Variants in ARHGEF10 observed in about 807,000 individuals in gnomAD.
ARHGEF10 encodes the protein Rho guanine nucleotide exchange factor 10.
A neutral mutation model predicts 147.4 loss-of-function variants in ARHGEF10; 140 were observed. The observed-to-expected ratio is 0.95, with a 90% CI of 0.83 to 1.09. The LOEUF (loss-of-function observed/expected upper bound fraction) is 1.09, where lower values mean the gene tolerates loss of function less well. Ranked by LOEUF, ARHGEF10 falls within the 50% of genes least tolerant of loss-of-function variation. The pLI, the probability that ARHGEF10 is intolerant of heterozygous loss-of-function variation, is 0.00. For synonymous variants in ARHGEF10, 902 were observed against 695.8 expected (o/e 1.30, Z -4.67); for missense variants, 2,222 against 1,752.7 (o/e 1.27, Z -4.78).
At chr8:1,882,806 A>C (rs1585381361) in intron 10 of ARHGEF10, 57 bp downstream of exon 10, 1 of 484,644 alleles carries the variant, frequency 2.1e-6, no homozygotes. Context: ...GGGCGGCCAC[A>C]TCTTGTGGGG....
intron 11 of ARHGEF10, among the ~76,000 whole-genome samples, chr8:1,887,798 G>T (rs1476199883): frequency 2.8e-5 from 4 of 142,764 alleles, no homozygotes; most frequent in African/African-American, 1.0e-4. Context: ...AGTGGAGTAA[G>T]GGTTGTGGGG....
intron 2 of ARHGEF10, among the ~76,000 whole-genome samples, chr8:1,847,104 C>T (rs1804622027): frequency 6.6e-6 from 1 of 152,082 alleles, no homozygotes; most frequent in Admixed American, 6.6e-5. Context: ...TTTGGCAACA[C>T]GTCAGGTCAT....
At chr8:1,944,265 G>A (rs1027574568) in intron 26 of ARHGEF10, among the ~76,000 whole-genome samples, 1 of 152,066 alleles carries the variant, frequency 6.6e-6, no homozygotes, top group Non-Finnish European at 1.5e-5. Flanking sequence ...CGCCTCCCTC[G>A]GGACCCCAGC....
intron 27 of ARHGEF10, among the ~76,000 whole-genome samples, chr8:1,946,635 C>T (rs1814617565): frequency 6.6e-6 from 1 of 152,238 alleles, no homozygotes; most frequent in Non-Finnish European, 1.5e-5. Context: ...CGCCTCCTCG[C>T]ACCATCCCAC....
intron 21 of ARHGEF10, among the ~76,000 whole-genome samples, chr8:1,924,118 A>C (rs1292868129): frequency 6.6e-6 from 1 of 152,236 alleles, no homozygotes; most frequent in Non-Finnish European, 1.5e-5. Flanking sequence ...GTACCAGAAC[A>C]TGAATATCAG....
At chr8:1,847,514 A>G (rs555302390) in intron 2 of ARHGEF10, among the ~76,000 whole-genome samples, 7 of 152,176 alleles carry the variant, frequency 4.6e-5, no homozygotes, top group Non-Finnish European at 1.0e-4. Context: ...TCATTTACCA[A>G]ATACCTGGTA....
chr8:1,830,633 A>G (rs1803039567), intron 1 of ARHGEF10, among the ~76,000 whole-genome samples: 2 of 152,250 alleles, frequency 1.3e-5, no homozygotes, highest in Admixed American at 6.5e-5. Context: ...TCACGCCCCA[A>G]GGCAGGGTGT....
intron 14 of ARHGEF10, among the ~76,000 whole-genome samples, chr8:1,897,517 T>C (rs1810091405): frequency 2.0e-5 from 3 of 149,842 alleles, no homozygotes; most frequent in Non-Finnish European, 4.4e-5. Context: ...CTGTGGGCTC[T>C]GTCCTAAGGC....
At position 1,863,019 on chromosome 8, in the gene ARHGEF10, G is replaced by A. The variant is rs1806278992; in HGVS notation, c.482-1354G>A. The stretch of plus-strand genomic sequence containing the variant: ...AGGATGGACTTGATCTCCTGACCTC[G>A]TGATCCGCCCGCCTCAGCCTCCGAA... On this transcript the variant is annotated intron_variant, in intron 4 of 28. Transcript: ENST00000349830. Among the ~76,000 whole-genome samples, 3 of 151,970 alleles carry A rather than the reference G, an allele frequency of 2.0e-5. No individual in the cohort carries two copies. In the South Asian group the frequency reaches 6.2e-4, roughly 32 times the overall value.
intron 11 of ARHGEF10, among the ~76,000 whole-genome samples, chr8:1,887,974 G>T (rs934653434): frequency 6.7e-6 from 1 of 149,662 alleles, no homozygotes; most frequent in Non-Finnish European, 1.5e-5. Context: ...CACTGTGAGT[G>T]GGGTGAGAGT....
intron 18 of ARHGEF10, among the ~76,000 whole-genome samples, chr8:1,914,147 G>A (rs931209796): frequency 6.6e-6 from 1 of 152,242 alleles, no homozygotes; most frequent in African/African-American, 2.4e-5. Context: ...AAGTGAGCCC[G>A]GCCGAAGGAA....
intron 12 of ARHGEF10, 56 bp from the exon 13 acceptor site, chr8:1,894,337 A>G: frequency 6.3e-7 from 1 of 1,597,642 alleles, no homozygotes; most frequent in South Asian, 1.1e-5. Flanking sequence ...ACAACAAAAC[A>G]AGACCCAGGC....
At position 1,903,263 on chromosome 8, in the gene ARHGEF10, C is replaced by G; in HGVS notation, c.1651-18C>G. 6.2e-7 allele frequency: 1 copy of G among 1,613,998 alleles called. No homozygotes were observed. Among genetic ancestry groups the G allele is most frequent in the Non-Finnish European group, 8.5e-7 (1 of 1,180,002 alleles). On this transcript the variant is annotated intron_variant, in intron 15 of 28. Transcript: ENST00000349830. ...GTGTCCACGTGGTAACTGCCCACCT[C>G]TCCCCTGTTGCTTGTAGGACATGCT...
At chr8:1,901,527 T>C (rs1186789082) in intron 15 of ARHGEF10, among the ~76,000 whole-genome samples, 2 of 152,226 alleles carry the variant, frequency 1.3e-5, no homozygotes, top group African/African-American at 4.8e-5. Flanking sequence ...CAGCTACCTA[T>C]TTCTCTCCGT....
intron 1 of ARHGEF10, among the ~76,000 whole-genome samples, chr8:1,825,835 T>A (rs545756689): frequency 2.0e-5 from 3 of 152,258 alleles, no homozygotes; most frequent in Non-Finnish European, 2.9e-5. Flanking sequence ...GAGTACGGAC[T>A]GGTCAGTATT....
intron 7 of ARHGEF10, among the ~76,000 whole-genome samples, chr8:1,873,531 A>G (rs370330780): frequency 4.4e-5 from 4 of 91,366 alleles, no homozygotes; most frequent in African/African-American, 5.9e-5. Flanking sequence ...CCCGCGGGGT[A>G]GTGCACCCGC....
intron 26 of ARHGEF10, among the ~76,000 whole-genome samples, chr8:1,939,413 G>T (rs1427034093): frequency 6.6e-6 from 1 of 152,258 alleles, no homozygotes; most frequent in Non-Finnish European, 1.5e-5. Context: ...CTCAGTCCCA[G>T]GATGGCTGGG....
chr8:1,869,572 T>C (rs1040297548), intron 7 of ARHGEF10: 2 of 463,664 alleles, frequency 4.3e-6, no homozygotes, highest in Non-Finnish European at 7.9e-6. Flanking sequence ...ATGACATCAG[T>C]GAGAAAGTAG....
intron 4 of ARHGEF10, among the ~76,000 whole-genome samples, chr8:1,862,483 G>C (rs922261367): frequency 3.9e-5 from 6 of 152,266 alleles, no homozygotes; most frequent in Non-Finnish European, 8.8e-5. Context: ...GAGCTGTTTA[G>C]GCGACTCCCT....
Sources: allele counts gnomAD v4.1 joint callset (sites outside exome capture counted in the v4.1 genomes callset), GRCh38; gene constraint gnomAD v4.1.1; transcripts MANE v1.5; gene names NCBI Gene and HGNC (gene_info 2026-07-23, HGNC 2026-07-21).